PHF24: variants seen among roughly 807,000 people sequenced by gnomAD.
PHF24 encodes Galpha inhibitory interacting protein.
A neutral mutation model predicts 42.6 loss-of-function variants in PHF24; 25 were observed. The ratio of observed to expected loss-of-function variants is 0.59; its 90% CI spans 0.43 to 0.82. The LOEUF (loss-of-function observed/expected upper bound fraction) is 0.82, where lower values mean the gene tolerates loss of function less well. PHF24 is among the 40% of genes least tolerant of loss of function. PHF24 has a pLI of 0.00. For synonymous variants in PHF24, 185 were observed against 204.8 expected, an observed-to-expected ratio of 0.90 and a Z score of 0.83; for missense variants, 470 against 538.1, an observed-to-expected ratio of 0.87 and a Z score of 1.25.
chr9:34,828,878 A>T, the PHF24 span, among the ~76,000 whole-genome samples: 3 of 105,018 alleles, frequency 2.9e-5, no homozygotes, highest in Admixed American at 2.9e-4. Context: ...ATTTACACTT[A>T]GTTCCATGGT....
chr9:34,880,386 G>A, the PHF24 span, among the ~76,000 whole-genome samples: 1 of 152,136 alleles, frequency 6.6e-6, no homozygotes, highest in Non-Finnish European at 1.5e-5. Flanking sequence ...TGGGCTAAAT[G>A]CTCCAATTAA....
rs531132192 is a variant in PHF24 at position 34,962,283 on chromosome 9, A to C, written c.-5+3882A>C. Among the ~76,000 whole-genome samples, 30 of 151,724 alleles carry C rather than the reference A, an allele frequency of 2.0e-4. 1 individual carries two copies. In the South Asian group the frequency reaches 5.8e-3, roughly 29 times the overall value. On this transcript the variant is annotated intron_variant, in intron 1 of 7. Coordinates refer to ENST00000242315, the Ensembl canonical transcript of PHF24. ...TCTATCTAGCCCCCAGGCTGGCTTC[A>C]TACCATCTAAGTCATGATGGAGTCC... is the stretch of plus-strand genomic sequence containing the variant.
the PHF24 span, among the ~76,000 whole-genome samples, chr9:34,671,424 G>T: frequency 1.3e-5 from 2 of 152,228 alleles, no homozygotes; most frequent in Non-Finnish European, 1.5e-5. Context: ...GCTCAGGAAA[G>T]CTGCCCAGGG....
chr9:34,679,454 G>A, the PHF24 span, among the ~76,000 whole-genome samples: 2 of 152,198 alleles, frequency 1.3e-5, no homozygotes, highest in Non-Finnish European at 2.9e-5. Context: ...ATAGCATTAA[G>A]GCCCCATTCA....
the PHF24 span, among the ~76,000 whole-genome samples, chr9:34,843,068 A>G: frequency 3.9e-3 from 595 of 152,314 alleles, 3 homozygotes; most frequent in Non-Finnish European, 6.9e-3. Flanking sequence ...TTAGAAACCA[A>G]TTGAAAAGCA....
At chr9:34,701,061 A>G in the PHF24 span, among the ~76,000 whole-genome samples, 1 of 152,146 alleles carries the variant, frequency 6.6e-6, no homozygotes, top group Non-Finnish European at 1.5e-5. The surrounding 1 kb of genome is among the most constrained non-coding windows in gnomAD (Gnocchi z 5.8). Flanking sequence ...TCGTTTATAC[A>G]GGGTTCTTGG....
chr9:34,715,284 G>A, the PHF24 span, among the ~76,000 whole-genome samples: 314 of 152,200 alleles, frequency 2.1e-3, no homozygotes, highest in African/African-American at 7.2e-3. Context: ...CTGAAGCAGG[G>A]TAGAAGAGAG....
the PHF24 span, among the ~76,000 whole-genome samples, chr9:34,742,764 T>A: frequency 6.6e-6 from 1 of 151,966 alleles, no homozygotes; most frequent in Non-Finnish European, 1.5e-5. Context: ...GGTGAAAAAT[T>A]ATGCACTTTA....
the PHF24 span, chr9:34,726,969 C>G: frequency 6.5e-7 from 1 of 1,547,840 alleles, no homozygotes; most frequent in Non-Finnish European, 8.7e-7. Flanking sequence ...ACACTTCTCT[C>G]CAGAGGAAGC....
the PHF24 span, chr9:34,834,502 C>G: frequency 6.4e-7 from 1 of 1,551,618 alleles, no homozygotes; most frequent in South Asian, 1.2e-5. Flanking sequence ...GATGGCGAAT[C>G]GACTGTTTCT....
At chr9:34,790,273 G>T in the PHF24 span, among the ~76,000 whole-genome samples, 1 of 152,224 alleles carries the variant, frequency 6.6e-6, no homozygotes, top group African/African-American at 2.4e-5. Context: ...TTATTAGGCA[G>T]ATGTCCTCAC....
the PHF24 span, among the ~76,000 whole-genome samples, chr9:34,920,467 T>C: frequency 6.6e-6 from 1 of 152,184 alleles, no homozygotes. Flanking sequence ...TTTGCTCAGA[T>C]GGCTTTAGTT....
the PHF24 span, chr9:34,726,936 G>C: frequency 6.4e-7 from 1 of 1,551,592 alleles, no homozygotes; most frequent in Non-Finnish European, 8.7e-7. Context: ...TGGCAGCAGG[G>C]ATCTGCACAC....
chr9:34,677,477 A>G, the PHF24 span, among the ~76,000 whole-genome samples: 3 of 144,776 alleles, frequency 2.1e-5, no homozygotes, highest in African/African-American at 7.8e-5. Context: ...GCTCACTGTA[A>G]GCTCCGCCTC....
At chr9:34,826,077 G>A in the PHF24 span, among the ~76,000 whole-genome samples, 8 of 152,210 alleles carry the variant, frequency 5.3e-5, no homozygotes, top group East Asian at 1.2e-3. Context: ...GGAAAGGGGG[G>A]TAGTTGGCAG....
At chr9:34,865,001 A>C in the PHF24 span, among the ~76,000 whole-genome samples, 1 of 152,068 alleles carries the variant, frequency 6.6e-6, no homozygotes, top group South Asian at 2.1e-4. Flanking sequence ...CAACATGGTG[A>C]AACCCTGTCT....
chr9:34,846,417 A>G, the PHF24 span, among the ~76,000 whole-genome samples: 1 of 151,694 alleles, frequency 6.6e-6, no homozygotes, highest in Non-Finnish European at 1.5e-5. Context: ...GTGTCTGTTC[A>G]TGTCCTTTGC....
the PHF24 span, among the ~76,000 whole-genome samples, chr9:34,753,135 T>A: frequency 6.6e-6 from 1 of 152,046 alleles, no homozygotes; most frequent in Non-Finnish European, 1.5e-5. Context: ...CAAAGATGCC[T>A]GTTTTCACCA....
At chr9:34,950,688 CAT>C in the PHF24 span, among the ~76,000 whole-genome samples, 9 of 152,144 alleles carry the variant, frequency 5.9e-5, no homozygotes, top group South Asian at 4.1e-4. Flanking sequence ...AATTTTATAA[CAT>C]GTGAATTATA....
Sources: gnomAD v4.1 joint callset for allele counts (sites outside exome capture counted in the v4.1 genomes callset) on GRCh38, gnomAD v4.1.1 for gene constraint, Gnocchi (gnomAD v3.1) non-coding constraint, MANE v1.5 for transcripts, NCBI Gene and HGNC (gene_info 2026-07-23, HGNC 2026-07-21) for gene names.